Variants in STXBP5L observed in about 807,000 individuals in gnomAD.
STXBP5L encodes syntaxin binding protein 5L, also known as syntaxin-binding protein 5-like.
Under a neutral mutation model 144.5 loss-of-function variants are expected in STXBP5L, and 65 were observed. That is an observed-to-expected ratio of 0.45 (90% confidence interval 0.37 to 0.55). The LOEUF is 0.55. STXBP5L is among the 20% of genes least tolerant of loss of function. The pLI is 0.00. For missense variants in STXBP5L, 1,298 were observed against 1,405.5 expected (o/e 0.92, Z 1.22); for synonymous variants, 505 against 469.6 (o/e 1.08, Z -0.97).
chr3:121,009,964 G>A (rs1944647383), intron 3 of STXBP5L, among the ~76,000 whole-genome samples: 1 of 151,876 alleles, frequency 6.6e-6, no homozygotes. Context: ...CACATCAACA[G>A]TTGCACACCA....
rs1231857211 is a variant in STXBP5L, at chr3:121,113,672, C to CTT, written c.471-1236_471-1235dup. Among the ~76,000 whole-genome samples the CTT allele has an allele frequency of 2.7e-3, 326 of 122,566 alleles. 2 individuals are homozygous for CTT. The highest frequency in any genetic ancestry group is 0.013 in the South Asian group (49 of 3,798). 80.4% of individuals were successfully genotyped at this position (122,566 alleles called of 152,430 possible). On this transcript the variant is annotated intron_variant, in intron 5 of 26. Coordinates refer to ENST00000471454, the MANE Select transcript of STXBP5L (RefSeq NM_001308330.2). ...TTCACTTTTATTCTTTTTTCTTTTTCTTTTTTTTTTTTTTTTTTGTGACAC... is the reference window on the plus strand; with the variant it reads ...TTCACTTTTATTCTTTTTTCTTTTTCTTTTTTTTTTTTTTTTTTTTGTGACAC...
intron 22 of STXBP5L, among the ~76,000 whole-genome samples, chr3:121,402,283 G>C (rs897309443): frequency 6.6e-6 from 1 of 152,164 alleles, no homozygotes; most frequent in South Asian, 2.1e-4. Context: ...TTACATTCTA[G>C]ATAGGAATTG....
At chr3:121,043,296 T>G (rs1947285062) in intron 4 of STXBP5L, among the ~76,000 whole-genome samples, 1 of 152,188 alleles carries the variant, frequency 6.6e-6, no homozygotes, top group Admixed American at 6.6e-5. Flanking sequence ...TTTTTATAAA[T>G]GAACCTAGAC....
intron 3 of STXBP5L, among the ~76,000 whole-genome samples, chr3:120,976,828 G>C (rs1486603234): frequency 1.3e-5 from 2 of 152,046 alleles, no homozygotes; most frequent in African/African-American, 2.4e-5. Context: ...GGAGCAGGTT[G>C]TTCAGTTTCC....
intron 3 of STXBP5L, among the ~76,000 whole-genome samples, chr3:121,033,459 A>G (rs1946519228): frequency 7.2e-6 from 1 of 139,488 alleles, no homozygotes; most frequent in Non-Finnish European, 1.5e-5. Context: ...ATTGGGAGAT[A>G]TACCTAATGC....
intron 3 of STXBP5L, among the ~76,000 whole-genome samples, chr3:120,958,939 CA>C (rs1450519998): frequency 2.0e-5 from 3 of 152,104 alleles, no homozygotes; most frequent in Admixed American, 6.6e-5. Flanking sequence ...AAAGAGTATT[CA>C]ATTAGGAAAA....
At chr3:120,971,433 C>T (rs1471087870) in intron 3 of STXBP5L, among the ~76,000 whole-genome samples, 2 of 151,802 alleles carry the variant, frequency 1.3e-5, no homozygotes, top group African/African-American at 2.4e-5. Context: ...TATTATTCAA[C>T]TCTGTGTGTC....
intron 3 of STXBP5L, among the ~76,000 whole-genome samples, chr3:120,999,113 C>A (rs1364977866): frequency 1.3e-5 from 2 of 152,070 alleles, no homozygotes; most frequent in African/African-American, 2.4e-5. Flanking sequence ...AGTGCAGTGG[C>A]ATGATTTTGG....
chr3:121,414,190 T>C (rs1024390259), intron 24 of STXBP5L, among the ~76,000 whole-genome samples: 1 of 152,076 alleles, frequency 6.6e-6, no homozygotes, highest in Non-Finnish European at 1.5e-5. Flanking sequence ...TTGGCTAGAC[T>C]CTAGGAACAT....
intron 20 of STXBP5L, among the ~76,000 whole-genome samples, chr3:121,350,133 A>T (rs1013979689): frequency 6.6e-6 from 1 of 151,916 alleles, no homozygotes; most frequent in Admixed American, 6.6e-5. Context: ...TTCCTTCAGG[A>T]GCTCTTTTAG....
rs377434066 is a variant in STXBP5L at position 121,407,591 on chromosome 3, T to C, written c.2936T>C (p.Ile979Thr). The change falls in exon 23 of 27, where the codon ATC (isoleucine) becomes ACC (threonine). Residue 979 changes from isoleucine (I) to threonine (T), a missense_variant. By Grantham distance (89) the Ile-to-Thr change is moderately conservative. Coordinates refer to ENST00000471454, the MANE Select transcript of STXBP5L (RefSeq NM_001308330.2). Reference protein sequence around the residue: ...CLACFCANGHIMIMSLPSLRP... With the variant: ...CLACFCANGHTMIMSLPSLRP... The stretch of plus-strand genomic sequence containing the variant: ...GCATGCTTTTGTGCTAACGGACATA[T>C]CATGATAATGAGGTACTTGCCTTCT... The C allele has an allele frequency of 1.9e-6, 3 of 1,612,972 alleles. No individual in the cohort carries two copies. The highest frequency in any genetic ancestry group is 2.5e-6 in the Non-Finnish European group (3 of 1,179,464).
chr3:121,379,986 C>T (rs1470197941), intron 21 of STXBP5L, among the ~76,000 whole-genome samples: 1 of 152,028 alleles, frequency 6.6e-6, no homozygotes, highest in African/African-American at 2.4e-5. Context: ...AGGTGCACAC[C>T]ACCACATCCA....
In STXBP5L at chr3:121,422,193, A is replaced by C. The variant is rs1280679467; in HGVS notation, c.*3096A>C. 6.6e-6 allele frequency: 1 copy of C among 152,180 alleles called. No individual in the cohort carries two copies. The highest frequency in any genetic ancestry group is 1.5e-5 in the Non-Finnish European group (1 of 68,024). The allele number at this position is 152,180 out of a possible 1,614,324, so 9.4% of individuals were successfully genotyped here. ...ACTGTTGATCCATGTAATCCTTTGC[A>C]TAGTCTCATCTTTACTATCTTTCTT... On this transcript the variant is annotated 3_prime_UTR_variant, in exon 27 of 27. Coordinates refer to ENST00000471454, the MANE Select transcript of STXBP5L (RefSeq NM_001308330.2).
intron 9 of STXBP5L, among the ~76,000 whole-genome samples, chr3:121,201,632 T>A (rs2048142227): frequency 6.6e-6 from 1 of 152,118 alleles, no homozygotes; most frequent in Admixed American, 6.6e-5. Context: ...TTTTGTATGT[T>A]TTTGCAGTGG....
intron 20 of STXBP5L, among the ~76,000 whole-genome samples, chr3:121,350,385 C>G (rs902981782): frequency 3.3e-5 from 5 of 152,102 alleles, no homozygotes; most frequent in Admixed American, 6.5e-5. Flanking sequence ...TCTGGCTGCC[C>G]TTAACATTTT....
chr3:120,926,244 T>C (rs1709619005), intron 2 of STXBP5L, among the ~76,000 whole-genome samples: 1 of 152,138 alleles, frequency 6.6e-6, no homozygotes, highest in Admixed American at 6.5e-5. Flanking sequence ...TCTTGTAAGA[T>C]GGGTCTGGTG....
At chr3:121,054,982 G>A (rs1948345589) in intron 5 of STXBP5L, among the ~76,000 whole-genome samples, 2 of 152,146 alleles carry the variant, frequency 1.3e-5, no homozygotes, top group South Asian at 2.1e-4. Flanking sequence ...TTGGGAGGAA[G>A]AATTGATTAG....
intron 20 of STXBP5L, among the ~76,000 whole-genome samples, chr3:121,358,257 A>AC (rs2045593369): frequency 7.3e-6 from 1 of 137,484 alleles, no homozygotes; most frequent in African/African-American, 2.8e-5. Flanking sequence ...CACCTCCCTA[A>AC]CCCCCCACTA....
chr3:121,068,003 A>G (rs534216718), intron 5 of STXBP5L, among the ~76,000 whole-genome samples: 27 of 152,298 alleles, frequency 1.8e-4, no homozygotes, highest in Non-Finnish European at 2.4e-4. Context: ...AATTAGTCTG[A>G]CAATATTAGT....
Sources: gnomAD v4.1 joint callset for allele counts (sites outside exome capture counted in the v4.1 genomes callset) on GRCh38, gnomAD v4.1.1 for gene constraint, MANE v1.5 for transcripts, NCBI Gene and HGNC (gene_info 2026-07-23, HGNC 2026-07-21) for gene names.